TXNRD3: variants seen among roughly 807,000 people sequenced by gnomAD.
TXNRD3 encodes TXNRD3 neighbor gene protein.
In TXNRD3, 68 loss-of-function variants were observed where a neutral mutation model predicts 78.2. The ratio of observed to expected loss-of-function variants is 0.87; its 90% CI spans 0.72 to 1.06. TXNRD3 has a LOEUF of 1.06. Ranked by LOEUF, TXNRD3 falls within the 50% of genes least tolerant of loss-of-function variation. TXNRD3 has a pLI of 0.00. For synonymous variants in TXNRD3, 296 were observed against 300.1 expected, an observed-to-expected ratio of 0.99 and a Z score of 0.14; for missense variants, 751 against 809.5, an observed-to-expected ratio of 0.93 and a Z score of 0.88.
chr3:126,637,498 T>C (rs951001872), intron 6 of TXNRD3, among the ~76,000 whole-genome samples: 6 of 152,184 alleles, frequency 3.9e-5, no homozygotes, highest in Admixed American at 1.3e-4. Flanking sequence ...ACTGATATTA[T>C]TTACATTTTC....
At chr3:126,635,282 C>T (rs1938829206) in intron 6 of TXNRD3, among the ~76,000 whole-genome samples, 1 of 152,186 alleles carries the variant, frequency 6.6e-6, no homozygotes, top group Non-Finnish European at 1.5e-5. Context: ...ATTACAGGCT[C>T]TCAAATACAG....
intron 3 of TXNRD3, 142 bp from the exon 4 acceptor site, chr3:126,644,543 A>C (rs192429334): frequency 1.6e-6 from 1 of 635,592 alleles, no homozygotes; most frequent in East Asian, 2.7e-5. Flanking sequence ...TGGAGTTGTA[A>C]ATTTATCTGG....
chr3:126,645,483 C>T (rs1466468819), intron 3 of TXNRD3, among the ~76,000 whole-genome samples: 2 of 152,150 alleles, frequency 1.3e-5, no homozygotes, highest in African/African-American at 4.8e-5. Flanking sequence ...ACAACATAGA[C>T]AATCTTTTTT....
At chr3:126,615,219 T>G (rs1938290229) in intron 13 of TXNRD3, 136 bp downstream of exon 13, 2 of 475,378 alleles carry the variant, frequency 4.2e-6, no homozygotes, top group Non-Finnish European at 7.4e-6. Context: ...TTCCTAATTT[T>G]CCTAAAATAG....
Position 126,630,884 on chromosome 3 carries a change from G to A in TXNRD3, c.1025C>T (p.Ala342Val). ...TGCACACTCCAGGGCAACATAAGAG[G>A]CACCCACCACTAATGTTTTGCCAGG... The change falls in exon 9 of 16, where the codon GCC becomes GTC. Residue 342 changes from alanine to valine, a missense_variant. Transcript: ENST00000524230. 6.5e-7 allele frequency: 1 copy of A among 1,535,872 alleles called. No individual in the cohort carries two copies. The highest frequency in any genetic ancestry group is 8.7e-7 in the Non-Finnish European group (1 of 1,146,840).
intron 5 of TXNRD3, among the ~76,000 whole-genome samples, chr3:126,643,616 ATTTT>A (rs1433206352): frequency 6.6e-6 from 1 of 151,752 alleles, no homozygotes; most frequent in Non-Finnish European, 1.5e-5. Context: ...TGGTCATGGA[ATTTT>A]TTTTTCTTTT....
At chr3:126,631,048 A>C in intron 8 of TXNRD3, 111 bp from the exon 9 acceptor site, 1 of 1,090,490 alleles carries the variant, frequency 9.2e-7, no homozygotes. Flanking sequence ...TTAGTGCTTG[A>C]ATGAAGCAAC....
intron 10 of TXNRD3, among the ~76,000 whole-genome samples, chr3:126,625,522 T>C (rs953003322): frequency 1.3e-5 from 2 of 151,986 alleles, no homozygotes; most frequent in African/African-American, 4.8e-5. Context: ...CCATGGTGTA[T>C]ATGTGCCACA....
intron 13 of TXNRD3, among the ~76,000 whole-genome samples, chr3:126,611,531 G>A (rs900392667): frequency 3.3e-5 from 5 of 152,162 alleles, no homozygotes; most frequent in African/African-American, 1.2e-4. Flanking sequence ...TTGAGGAGGC[G>A]CAGAAGAAAT....
intron 12 of TXNRD3, among the ~76,000 whole-genome samples, chr3:126,616,000 G>A (rs1161830244): frequency 6.6e-6 from 1 of 152,136 alleles, no homozygotes; most frequent in African/African-American, 2.4e-5. Context: ...GTGTCTGGAG[G>A]GGGGTGCTAA....
chr3:126,650,480 A>C (rs916114284), intron 1 of TXNRD3, among the ~76,000 whole-genome samples: 1 of 152,138 alleles, frequency 6.6e-6, no homozygotes, highest in African/African-American at 2.4e-5. Context: ...GTCTGTACAA[A>C]AAATGCAAAA....
chr3:126,646,283 A>G, intron 2 of TXNRD3, 63 bp from the exon 3 acceptor site: 1 of 1,071,510 alleles, frequency 9.3e-7, no homozygotes. Context: ...TGTGAGTTAA[A>G]CAAAGTGTTA....
At chr3:126,621,676 C>T in intron 12 of TXNRD3, 66 bp downstream of exon 12, 1 of 1,372,354 alleles carries the variant, frequency 7.3e-7, no homozygotes, top group Non-Finnish European at 9.5e-7. Context: ...ACAAGTTTTA[C>T]TTGTATTAGT....
Position 126,615,399 on chromosome 3 carries a change from A to G in TXNRD3, c.1588T>C (p.Ser530Pro). 1 of 1,521,480 alleles carries G rather than the reference A, an allele frequency of 6.6e-7. No homozygotes were observed. Among genetic ancestry groups the G allele is most frequent in the Non-Finnish European group, 8.8e-7 (1 of 1,140,380 alleles). The allele number at this position is 1,521,480 out of a possible 1,614,324, so 94.2% of individuals were successfully genotyped here. ...TATACTTCAATAGCTTTCTCTTCAGATAATCCACAGCAACCATACTCCAGA... is the reference window on the plus strand; with the variant it reads ...TATACTTCAATAGCTTTCTCTTCAGGTAATCCACAGCAACCATACTCCAGA... The change falls in exon 13 of 16, where the codon TCT becomes CCT. Residue 530 changes from serine to proline, a missense_variant. By Grantham distance (74) the Ser-to-Pro change is moderately conservative. Coordinates refer to ENST00000524230, the MANE Select transcript of TXNRD3 (RefSeq NM_052883.3).
At chr3:126,627,283 A>G (rs1938600342) in intron 10 of TXNRD3, among the ~76,000 whole-genome samples, 1 of 152,224 alleles carries the variant, frequency 6.6e-6, no homozygotes, top group African/African-American at 2.4e-5. Context: ...CAATCTGAAT[A>G]AAAGAAGTCA....
chr3:126,639,073 T>C (rs1199392470), intron 6 of TXNRD3, among the ~76,000 whole-genome samples: 1 of 152,232 alleles, frequency 6.6e-6, no homozygotes. Context: ...GTTCACCCTT[T>C]ACAGCCTCTT....
intron 1 of TXNRD3, among the ~76,000 whole-genome samples, chr3:126,650,973 C>T (rs752844860): frequency 7.9e-5 from 12 of 152,112 alleles, no homozygotes; most frequent in Admixed American, 2.0e-4. Context: ...AGACTATGAG[C>T]GTATGGGAGG....
At chr3:126,630,673 A>C in intron 9 of TXNRD3, 39 bp downstream of exon 9, 2 of 1,505,092 alleles carry the variant, frequency 1.3e-6, no homozygotes, top group Non-Finnish European at 1.8e-6. Context: ...TAAAGTGAAA[A>C]GTTAGAGAAA....
At chr3:126,615,917 A>C (rs10934787) in intron 12 of TXNRD3, among the ~76,000 whole-genome samples, 89,882 of 151,996 alleles carry the variant, frequency 0.59, 27,099 homozygotes, top group Non-Finnish European at 0.66. Flanking sequence ...CTGAGAGGTG[A>C]GGCAAATATG....
Sources: gnomAD v4.1 joint callset for allele counts (sites outside exome capture counted in the v4.1 genomes callset) on GRCh38, gnomAD v4.1.1 for gene constraint, MANE v1.5 for transcripts, NCBI Gene and HGNC (gene_info 2026-07-23, HGNC 2026-07-21) for gene names.